ATRIP: variants seen among roughly 807,000 people sequenced by gnomAD.
ATRIP encodes the protein ATR-interacting protein.
In ATRIP, 44 loss-of-function variants were observed where a neutral mutation model predicts 78.1. The observed-to-expected ratio is 0.56, with a 90% confidence interval of 0.44 to 0.72. The LOEUF is 0.72. ATRIP is among the 30% of genes least tolerant of loss of function. ATRIP has a pLI of 0.00. For missense variants in ATRIP, 927 were observed against 980.2 expected, an observed-to-expected ratio of 0.95 and a Z score of 0.72; for synonymous variants, 388 against 408.9, an observed-to-expected ratio of 0.95 and a Z score of 0.62.
Position 48,467,072 on chromosome 3 carries a change from T to C in ATRIP, c.*1518T>C, listed in dbSNP as rs561010257. ...TCCCCCTGCTCCAAGCAGAGCTGGC[T>C]ATGCTGGGCCTCACCAGTGCTCTGG... On this transcript the variant is annotated 3_prime_UTR_variant, in exon 13 of 13. Transcript: ENST00000320211. The C allele has an allele frequency of 1.3e-5, 21 of 1,613,934 alleles. No homozygotes were observed. The highest frequency in any genetic ancestry group is 3.3e-4 in the Middle Eastern group (2 of 6,062).
Position 48,467,490 on chromosome 3 carries a change from C to T in ATRIP, c.*1936C>T, listed in dbSNP as rs746963320. The T allele has an allele frequency of 1.9e-6, 3 of 1,614,114 alleles. No individual in the cohort carries two copies. In the Admixed American group the frequency reaches 5.0e-5, roughly 27 times the overall value. ...CAAGGATCTTCCTCCAGTGAAGGAC[C>T]CTGGAGCCCTATCCAGGGAGGGGCT... On this transcript the variant is annotated 3_prime_UTR_variant, in exon 13 of 13. Coordinates refer to ENST00000320211, the MANE Select transcript of ATRIP (RefSeq NM_130384.3).
chr3:48,464,013 T>G, intron 9 of ATRIP, 28 bp from the exon 10 acceptor site: 1 of 1,608,072 alleles, frequency 6.2e-7, no homozygotes, highest in Non-Finnish European at 8.5e-7. Flanking sequence ...AAGGGCACCC[T>G]GAGTGAGAGG....
intron 9 of ATRIP, 66 bp downstream of exon 9, chr3:48,463,947 CAG>C: frequency 6.2e-7 from 1 of 1,608,752 alleles, no homozygotes. Flanking sequence ...GGGGTGGGAA[CAG>C]GGTCAAGGGC....
In ATRIP at chr3:48,466,560, C is replaced by A; in HGVS notation, c.*1006C>A. ...GCCTGAGATGTGCTTCTGCCCACCC[C>A]CTACCCCACTCCCTCCCCTTCGGAT... On this transcript the variant is annotated 3_prime_UTR_variant, in exon 13 of 13. Transcript: ENST00000320211. 1.2e-6 allele frequency: 2 copies of A among 1,613,986 alleles called. No homozygotes were observed. The highest frequency in any genetic ancestry group is 2.2e-5 in the East Asian group (1 of 44,868).
At chr3:48,458,812 T>TTC (rs2040023202) in intron 5 of ATRIP, among the ~76,000 whole-genome samples, 1 of 152,194 alleles carries the variant, frequency 6.6e-6, no homozygotes, top group South Asian at 2.1e-4. Flanking sequence ...ATCATAACAC[T>TTC]TCTGAGAAAC....
intron 8 of ATRIP, 144 bp downstream of exon 8, chr3:48,460,943 A>G: frequency 1.2e-6 from 1 of 810,912 alleles, no homozygotes; most frequent in South Asian, 2.1e-5. Context: ...TTCTGAAGTG[A>G]TGGGAAGTGG....
chr3:48,460,279 C>T lies in ATRIP; in HGVS notation c.1225C>T (p.Pro409Ser), dbSNP rs2040066309. Residue 409 changes from proline to serine, a missense_variant, in exon 8 of 13, where the codon CCA becomes TCA. Transcript: ENST00000320211. ...DPAEGGRRAF[P>S]LCQLPGAVHF... ...AGCAGAGGGAGGCAGAAGGGCCTTCCCACTCTGCCAGCTTCCTGGAGCCGT... is the reference window on the plus strand; with the variant it reads ...AGCAGAGGGAGGCAGAAGGGCCTTCTCACTCTGCCAGCTTCCTGGAGCCGT... The T allele has an allele frequency of 4.3e-6, 7 of 1,613,954 alleles. No homozygotes were observed. The Admixed American group carries it at 1.0e-4, about 23-fold the overall frequency.
In ATRIP at chr3:48,446,785, C is replaced by A. The variant is rs895892689; in HGVS notation, c.-61C>A. ...GCGCGCGGACGGTTGGTCCAGTTCTCCGGCCTGGCGGCAGGCAAGTCTAGC... is the reference window on the plus strand; with the variant it reads ...GCGCGCGGACGGTTGGTCCAGTTCTACGGCCTGGCGGCAGGCAAGTCTAGC... On this transcript the variant is annotated 5_prime_UTR_variant, in exon 1 of 13. Coordinates refer to ENST00000320211, the MANE Select transcript of ATRIP (RefSeq NM_130384.3). 3.0e-6 allele frequency: 4 copies of A among 1,354,018 alleles called. No individual in the cohort carries two copies. The highest frequency in any genetic ancestry group is 3.8e-6 in the Non-Finnish European group (4 of 1,051,428). 83.9% of individuals were successfully genotyped at this position (1,354,018 alleles called of 1,614,324 possible). A position where few individuals can be genotyped will look rare whatever the true frequency, so the allele number is the denominator to read the frequency against.
At position 48,466,527 on chromosome 3, in the gene ATRIP, C is replaced by A; in HGVS notation, c.*973C>A. ...AGCTCGCAGACAGGGCAGGATTGTG[C>A]AGGGAAGGCCTGAGATGTGCTTCTG... On this transcript the variant is annotated 3_prime_UTR_variant, in exon 13 of 13. Transcript: ENST00000320211. The A allele has an allele frequency of 6.2e-7, 1 of 1,614,010 alleles. No homozygotes were observed. The highest frequency in any genetic ancestry group is 8.5e-7 in the Non-Finnish European group (1 of 1,180,014).
Position 48,450,050 on chromosome 3 carries a change from C to A in ATRIP, c.261C>A (p.Val87=). Residue 87 remains valine (V), a synonymous_variant, in exon 2 of 13, where the codon GTC becomes GTA. Transcript: ENST00000320211. ...TATTTTTTACAGGTGATCATAAGGT[C>A]CACAGATTATTAGATGGCATGTCAA... ...AARDVSSDHK[V]HRLLDGMSKN... is the part of the protein sequence containing the mutation. 1.2e-6 allele frequency: 2 copies of A among 1,612,780 alleles called. No individual in the cohort carries two copies. The highest frequency in any genetic ancestry group is 1.1e-5 in the South Asian group (1 of 90,640).
intron 1 of ATRIP, among the ~76,000 whole-genome samples, chr3:48,448,326 C>G (rs946315161): frequency 1.3e-5 from 2 of 152,092 alleles, no homozygotes; most frequent in African/African-American, 4.8e-5. Flanking sequence ...ATTACTTGTG[C>G]CCGCCACCAT....
chr3:48,457,429 G>A lies in ATRIP; in HGVS notation c.829+13G>A, dbSNP rs2107215498. ...GTGGGCAGAGAGGGTAAGTCCATTA[G>A]TCATCTATTGATGTATAACAAGCTA... On this transcript the variant is annotated intron_variant, in intron 5 of 12. Transcript: ENST00000320211. 2.0e-6 allele frequency: 3 copies of A among 1,516,554 alleles called. No individual in the cohort carries two copies. The highest frequency in any genetic ancestry group is 1.4e-5 in the African/African-American group (1 of 70,356). 93.9% of individuals were successfully genotyped at this position (1,516,554 alleles called of 1,614,324 possible).
chr3:48,463,645 C>G (rs942546187), intron 8 of ATRIP, 100 bp from the exon 9 acceptor site: 2 of 1,504,234 alleles, frequency 1.3e-6, no homozygotes, highest in Non-Finnish European at 1.8e-6. Flanking sequence ...CCTGTTCATA[C>G]TGACTTGCTC....
chr3:48,453,962 T>G (rs1183370134), intron 3 of ATRIP, among the ~76,000 whole-genome samples: 1 of 152,022 alleles, frequency 6.6e-6, no homozygotes, highest in Non-Finnish European at 1.5e-5. Context: ...ATCTTGCTAT[T>G]TTGCCCAGGC....
At chr3:48,454,499 A>T (rs2039908087) in intron 4 of ATRIP, 81 bp downstream of exon 4, 6 of 1,066,448 alleles carry the variant, frequency 5.6e-6, no homozygotes, top group Non-Finnish European at 8.5e-6. Context: ...CTGGTCCTAA[A>T]TGAAGGCCAT....
At chr3:48,455,664 G>T (rs868322672) in intron 4 of ATRIP, among the ~76,000 whole-genome samples, 1 of 151,036 alleles carries the variant, frequency 6.6e-6, no homozygotes, top group South Asian at 2.1e-4. Context: ...TAGTTTTTTT[G>T]TATTTTTTTT....
rs1269573951 is a variant in ATRIP, at chr3:48,465,008, C to T, written c.2233C>T (p.Leu745=). Reference sequence around the variant, plus strand: ...CTTCATGATGCACTGCGTGGAGGTCCTGCATCAGTTTGACCAGGTGATGCC... The same window carrying T: ...CTTCATGATGCACTGCGTGGAGGTCTTGCATCAGTTTGACCAGGTGATGCC... ...KLFMMHCVEV[L]HQFDQVMPGV... The change falls in exon 12 of 13, where the codon CTG becomes TTG. Residue 745 remains leucine, a synonymous_variant. Coordinates refer to ENST00000320211, the MANE Select transcript of ATRIP (RefSeq NM_130384.3). The T allele has an allele frequency of 6.2e-7, 1 of 1,613,926 alleles. No homozygotes were observed. Among genetic ancestry groups the T allele is most frequent in the African/African-American group, 1.3e-5 (1 of 74,930 alleles).
At chr3:48,447,686 G>C (rs2039716215) in intron 1 of ATRIP, among the ~76,000 whole-genome samples, 1 of 152,162 alleles carries the variant, frequency 6.6e-6, no homozygotes, top group African/African-American at 2.4e-5. Flanking sequence ...AGGACTCCCA[G>C]AAAGAGAAAT....
In ATRIP at chr3:48,460,696, T is replaced by C; in HGVS notation, c.1642T>C (p.Phe548Leu). 6.2e-7 allele frequency: 1 copy of C among 1,614,130 alleles called. No homozygotes were observed. Among genetic ancestry groups the C allele is most frequent in the Non-Finnish European group, 8.5e-7 (1 of 1,179,948 alleles). The change falls in exon 8 of 13, where the codon TTC (phenylalanine) becomes CTC (leucine). Residue 548 changes from phenylalanine to leucine, a missense_variant. Phe to Leu is a conservative substitution (Grantham distance 22). Transcript: ENST00000320211. ...LLKMLLHLLA[F>L]SSAATGHLQA... ...GAAGATGCTTCTTCACCTGTTGGCT[T>C]TCTCTTCTGCAGCAACAGGTCACCT... is the stretch of plus-strand genomic sequence containing the variant.
Sources: allele counts gnomAD v4.1 joint callset (sites outside exome capture counted in the v4.1 genomes callset), GRCh38; gene constraint gnomAD v4.1.1; transcripts MANE v1.5; gene names NCBI Gene and HGNC (gene_info 2026-07-23, HGNC 2026-07-21).